SSBP2: variants seen among roughly 807,000 people sequenced by gnomAD.
The protein encoded by SSBP2 is single stranded DNA binding protein 2, also known as single-stranded DNA-binding protein 2.
Under a neutral mutation model 61.8 loss-of-function variants are expected in SSBP2, and 17 were observed. The ratio of observed to expected loss-of-function variants is 0.28; its 90% CI spans 0.19 to 0.41. The LOEUF is 0.41. Ranked by LOEUF, SSBP2 falls within the 10% of genes least tolerant of loss-of-function variation. The probability of loss-of-function intolerance (pLI) is 1.00; values close to 1 mark genes in which losing one functional copy is unlikely to be tolerated. For missense variants in SSBP2, 310 were observed against 458.7 expected (o/e 0.68, Z 2.96); for synonymous variants, 139 against 141.3 (o/e 0.98, Z 0.12).
intron 1 of SSBP2, among the ~76,000 whole-genome samples, chr5:81,738,760 T>A (rs527936678): frequency 1.3e-5 from 2 of 152,322 alleles, no homozygotes; most frequent in South Asian, 2.1e-4. Context: ...TGTATTGTTA[T>A]AGCAATCGCT....
At chr5:81,475,783 A>G (rs1222230388) in intron 6 of SSBP2, among the ~76,000 whole-genome samples, 1 of 152,170 alleles carries the variant, frequency 6.6e-6, no homozygotes, top group Non-Finnish European at 1.5e-5. Context: ...ACTTCCTAAC[A>G]AAATTATTCC....
At chr5:81,602,965 T>C (rs1744521561) in intron 4 of SSBP2, among the ~76,000 whole-genome samples, 2 of 152,314 alleles carry the variant, frequency 1.3e-5, no homozygotes, top group South Asian at 4.1e-4. Context: ...CCTTCCAAGC[T>C]TCATGAACAG....
intron 5 of SSBP2, among the ~76,000 whole-genome samples, chr5:81,489,780 T>C (rs1309620566): frequency 6.6e-6 from 1 of 152,212 alleles, no homozygotes; most frequent in Non-Finnish European, 1.5e-5. Context: ...TTGTTTAAAA[T>C]GATAAATAAA....
rs35816072 is a variant in SSBP2, at chr5:81,551,096, G to GAAAA, written c.283-37383_283-37380dup. On this transcript the variant is annotated intron_variant, in intron 4 of 16. Transcript: ENST00000320672. ...GGGTGACAGAACGAGACTCCATCTC[G>GAAAA]AAAAAAAAAAAAAAAAAAAGAAATC... is the stretch of plus-strand genomic sequence containing the variant. Among the ~76,000 whole-genome samples the GAAAA allele has an allele frequency of 8.7e-5, 7 of 80,192 alleles. No individual in the cohort carries two copies. In the East Asian group the frequency reaches 1.4e-3, roughly 16 times the overall value. The allele number at this position is 80,192 out of a possible 152,430, so 52.6% of individuals were successfully genotyped here.
chr5:81,449,886 C>T (rs2153977550), intron 10 of SSBP2, among the ~76,000 whole-genome samples: 2 of 152,188 alleles, frequency 1.3e-5, no homozygotes, highest in Admixed American at 1.3e-4. Context: ...GCTAGAGTGC[C>T]CAGCATCACT....
intron 1 of SSBP2, among the ~76,000 whole-genome samples, chr5:81,652,246 G>A (rs1749794509): frequency 7.0e-6 from 1 of 142,736 alleles, no homozygotes; most frequent in South Asian, 2.1e-4. Flanking sequence ...ATTCCTTTAA[G>A]TGAGTTACCT....
intron 4 of SSBP2, among the ~76,000 whole-genome samples, chr5:81,537,541 T>C (rs1023679558): frequency 3.3e-5 from 5 of 152,202 alleles, no homozygotes; most frequent in African/African-American, 1.2e-4. Context: ...TTATTGTTTG[T>C]TTTTACAAAT....
intron 4 of SSBP2, among the ~76,000 whole-genome samples, chr5:81,614,221 G>T (rs1001052085): frequency 6.6e-6 from 1 of 152,094 alleles, no homozygotes; most frequent in African/African-American, 2.4e-5. Flanking sequence ...TTAGCTGGGC[G>T]TGTTGGCGGG....
chr5:81,473,416 C>A (rs1765380774), intron 8 of SSBP2, among the ~76,000 whole-genome samples: 1 of 152,106 alleles, frequency 6.6e-6, no homozygotes, highest in Non-Finnish European at 1.5e-5. Flanking sequence ...TTGCCCTCCA[C>A]CCTCCCGACT....
At chr5:81,538,489 T>C (rs1022819437) in intron 4 of SSBP2, among the ~76,000 whole-genome samples, 1 of 152,236 alleles carries the variant, frequency 6.6e-6, no homozygotes, top group South Asian at 2.1e-4. Flanking sequence ...TCACTGATTA[T>C]GGTGGTTATA....
chr5:81,431,678 G>C (rs2153924105), intron 15 of SSBP2, among the ~76,000 whole-genome samples: 1 of 151,866 alleles, frequency 6.6e-6, no homozygotes, highest in South Asian at 2.1e-4. Flanking sequence ...TTGGACTCTT[G>C]GGCTCAAGTG....
chr5:81,556,973 GAC>G (rs1470134469), intron 4 of SSBP2, among the ~76,000 whole-genome samples: 2 of 152,236 alleles, frequency 1.3e-5, no homozygotes, highest in East Asian at 1.9e-4. Flanking sequence ...CTTTTGTGAT[GAC>G]ACAGTCTCTG....
intron 1 of SSBP2, among the ~76,000 whole-genome samples, chr5:81,693,776 C>T (rs1753392316): frequency 6.6e-6 from 1 of 152,064 alleles, no homozygotes; most frequent in African/African-American, 2.4e-5. Context: ...TTGGAAGTTC[C>T]TCAAAAAACT....
At chr5:81,421,717 G>A (rs1161286962) in intron 16 of SSBP2, among the ~76,000 whole-genome samples, 1 of 152,182 alleles carries the variant, frequency 6.6e-6, no homozygotes, top group African/African-American at 2.4e-5. Context: ...TGACAGAAAA[G>A]TTCTACAGCA....
At chr5:81,529,303 T>C (rs1043967301) in intron 4 of SSBP2, among the ~76,000 whole-genome samples, 2 of 152,134 alleles carry the variant, frequency 1.3e-5, no homozygotes, top group African/African-American at 4.8e-5. Context: ...AACAACATTC[T>C]GGTTGGAGGT....
intron 5 of SSBP2, among the ~76,000 whole-genome samples, chr5:81,512,924 T>C (rs1043922158): frequency 1.2e-4 from 18 of 152,094 alleles, no homozygotes; most frequent in Non-Finnish European, 1.0e-4. Context: ...AACGGTATTA[T>C]AAAATTAACT....
At chr5:81,601,831 C>T (rs1327771041) in intron 4 of SSBP2, among the ~76,000 whole-genome samples, 1 of 152,092 alleles carries the variant, frequency 6.6e-6, no homozygotes, top group East Asian at 1.9e-4. Context: ...ACGTGAAGTA[C>T]CATTCCTCTC....
At chr5:81,432,986 G>GC (rs1762420634) in intron 15 of SSBP2, among the ~76,000 whole-genome samples, 1 of 150,518 alleles carries the variant, frequency 6.6e-6, no homozygotes, top group Non-Finnish European at 1.5e-5. Context: ...GGGAGGTGGG[G>GC]GGGGTCAGAC....
At chr5:81,665,798 C>A (rs986607661) in intron 1 of SSBP2, among the ~76,000 whole-genome samples, 8 of 152,206 alleles carry the variant, frequency 5.3e-5, no homozygotes, top group Non-Finnish European at 1.0e-4. Flanking sequence ...AGCTACCAAG[C>A]CCAGCCTTGG....
Sources: allele counts gnomAD v4.1 joint callset (sites outside exome capture counted in the v4.1 genomes callset), GRCh38; gene constraint gnomAD v4.1.1; transcripts MANE v1.5; gene names NCBI Gene and HGNC (gene_info 2026-07-23, HGNC 2026-07-21).